The following SMYD3 variants were observed in gnomAD, a reference collection of about 807,000 sequenced individuals.
The protein encoded by SMYD3 is histone-lysine N-methyltransferase SMYD3.
A neutral mutation model predicts 57.7 loss-of-function variants in SMYD3; 36 were observed. The ratio of observed to expected loss-of-function variants is 0.62; its 90% CI spans 0.48 to 0.82. SMYD3 has a LOEUF of 0.82. Among genes scored for constraint, SMYD3 ranks in the 40% least tolerant of loss-of-function variants. The probability of loss-of-function intolerance (pLI) is 0.00; values close to 1 mark genes in which losing one functional copy is unlikely to be tolerated. For missense variants in SMYD3, 515 were observed against 538.8 expected, an observed-to-expected ratio of 0.96 and a Z score of 0.44; for synonymous variants, 211 against 195.0, an observed-to-expected ratio of 1.08 and a Z score of -0.68.
At chr1:245,841,657 A>G (rs1053393672) in intron 10 of SMYD3, among the ~76,000 whole-genome samples, 1 of 152,252 alleles carries the variant, frequency 6.6e-6, no homozygotes, top group Non-Finnish European at 1.5e-5. Context: ...TTTAAAGCAT[A>G]TAAAAAAATA....
chr1:245,797,089 G>A (rs2047556241), intron 10 of SMYD3, among the ~76,000 whole-genome samples: 1 of 152,160 alleles, frequency 6.6e-6, no homozygotes, highest in Non-Finnish European at 1.5e-5. Context: ...GTTACTACAA[G>A]GCACTTTCTA....
intron 1 of SMYD3, among the ~76,000 whole-genome samples, chr1:246,472,641 G>A (rs559561577): frequency 6.6e-6 from 1 of 152,030 alleles, no homozygotes; most frequent in Non-Finnish European, 1.5e-5. Flanking sequence ...CTACTGGGGA[G>A]GCTGATAGGG....
intron 5 of SMYD3, among the ~76,000 whole-genome samples, chr1:246,260,405 G>A (rs918079999): frequency 1.3e-5 from 2 of 152,110 alleles, no homozygotes; most frequent in African/African-American, 4.8e-5. Context: ...CACGATTCCA[G>A]TGGATTCCCA....
intron 10 of SMYD3, among the ~76,000 whole-genome samples, chr1:245,826,386 T>C (rs2049492206): frequency 6.6e-6 from 1 of 152,132 alleles, no homozygotes; most frequent in African/African-American, 2.4e-5. Flanking sequence ...TGTTTTGTTT[T>C]GGTTTTTAAA....
chr1:246,083,287 C>G (rs142689510), intron 5 of SMYD3, among the ~76,000 whole-genome samples: 3 of 152,086 alleles, frequency 2.0e-5, no homozygotes, highest in African/African-American at 7.2e-5. Flanking sequence ...GTGGGACATG[C>G]GGGCAGCAAT....
chr1:246,044,806 G>A (rs1387429564), intron 5 of SMYD3, among the ~76,000 whole-genome samples: 4 of 152,174 alleles, frequency 2.6e-5, no homozygotes, highest in Non-Finnish European at 5.9e-5. Context: ...TTAATGCTCA[G>A]TGGTGAAGTG....
rs148363636 is a variant in SMYD3 at position 246,197,146 on chromosome 1, C to T, written c.531+130055G>A. ...CTAGAGATATAAAATAAATTGTGTA[C>T]GAATACATACTGATATAAATAAAAG... On this transcript the variant is annotated intron_variant, in intron 5 of 11. Coordinates refer to ENST00000490107, the MANE Select transcript of SMYD3 (RefSeq NM_001167740.2). Among the ~76,000 whole-genome samples the T allele has an allele frequency of 2.0e-4, 30 of 152,146 alleles. 1 individual carries two copies. Among genetic ancestry groups the T allele is most frequent in the East Asian group, 1.9e-3 (10 of 5,186 alleles).
intron 8 of SMYD3, among the ~76,000 whole-genome samples, chr1:245,884,061 T>G (rs2052941948): frequency 6.6e-6 from 1 of 152,206 alleles, no homozygotes; most frequent in South Asian, 2.1e-4. Flanking sequence ...AGGAAGCTTT[T>G]TAGCAATGCA....
intron 5 of SMYD3, among the ~76,000 whole-genome samples, chr1:246,013,851 C>T (rs2059329218): frequency 6.6e-6 from 1 of 152,158 alleles, no homozygotes; most frequent in South Asian, 2.1e-4. Context: ...CACATTCCTG[C>T]TTTCTGAGAT....
At chr1:246,276,889 T>C (rs1446940900) in intron 5 of SMYD3, among the ~76,000 whole-genome samples, 1 of 151,624 alleles carries the variant, frequency 6.6e-6, no homozygotes, top group African/African-American at 2.4e-5. Context: ...TATTTAATGT[T>C]TCTAGTGGAG....
chr1:246,333,416 T>C (rs989136971), intron 3 of SMYD3, among the ~76,000 whole-genome samples: 3 of 152,108 alleles, frequency 2.0e-5, no homozygotes, highest in Admixed American at 6.6e-5. Flanking sequence ...CTAATTAAAA[T>C]AAAGAGCATC....
At chr1:246,472,791 C>G (rs2067978006) in intron 1 of SMYD3, among the ~76,000 whole-genome samples, 1 of 151,984 alleles carries the variant, frequency 6.6e-6, no homozygotes, top group Non-Finnish European at 1.5e-5. Flanking sequence ...TCTCCTGCTC[C>G]CCAAGGCAAT....
In SMYD3 at chr1:246,220,087, C is replaced by T. The variant is rs139460847; in HGVS notation, c.531+107114G>A. 1.7e-4 allele frequency among the ~76,000 whole-genome samples: 26 copies of T among 152,234 alleles called. No individual in the cohort carries two copies. In the East Asian group the frequency reaches 4.1e-3, roughly 24 times the overall value. On this transcript the variant is annotated intron_variant, in intron 5 of 11. Transcript: ENST00000490107. ...GATTTCAAATATAATGATATCTAAA[C>T]GCAATTTTTTGGCATTTACGTTCCT... is the stretch of plus-strand genomic sequence containing the variant.
At chr1:245,787,319 A>G (rs1307730921) in intron 10 of SMYD3, among the ~76,000 whole-genome samples, 1 of 152,162 alleles carries the variant, frequency 6.6e-6, no homozygotes, top group African/African-American at 2.4e-5. Context: ...CTTTACATGT[A>G]GCTCCCATTA....
At chr1:246,292,644 G>T (rs1271265179) in intron 5 of SMYD3, among the ~76,000 whole-genome samples, 1 of 152,186 alleles carries the variant, frequency 6.6e-6, no homozygotes, top group Non-Finnish European at 1.5e-5. Flanking sequence ...ATTTTGTAGG[G>T]ATATGCTGCA....
intron 4 of SMYD3, among the ~76,000 whole-genome samples, chr1:246,328,182 G>A (rs1249824412): frequency 6.6e-6 from 1 of 151,834 alleles, no homozygotes; most frequent in African/African-American, 2.4e-5. Flanking sequence ...CAAAAAGAGA[G>A]ACTCCATCTC....
chr1:246,153,739 G>A (rs550576388), intron 5 of SMYD3, among the ~76,000 whole-genome samples: 2 of 152,164 alleles, frequency 1.3e-5, no homozygotes, highest in South Asian at 4.2e-4. Flanking sequence ...CCCAAAGCCT[G>A]GGATTACAAG....
At chr1:246,107,103 C>CCTGGTTAACAT (rs749267471) in intron 5 of SMYD3, among the ~76,000 whole-genome samples, 3 of 108,842 alleles carry the variant, frequency 2.8e-5, no homozygotes, top group Non-Finnish European at 3.5e-5. Context: ...ATCGAGACCA[C>CCTGGTTAACAT]GGTGAAACCC....
chr1:246,164,562 C>T (rs1474071170), intron 5 of SMYD3, among the ~76,000 whole-genome samples: 1 of 152,262 alleles, frequency 6.6e-6, no homozygotes. Context: ...CATCTTTCCT[C>T]TTCCTACAAC....
Sources: gnomAD v4.1 joint callset for allele counts (sites outside exome capture counted in the v4.1 genomes callset) on GRCh38, gnomAD v4.1.1 for gene constraint, MANE v1.5 for transcripts, NCBI Gene and HGNC (gene_info 2026-07-23, HGNC 2026-07-21) for gene names.